The following EXOC6B variants were observed in gnomAD, a reference collection of about 807,000 sequenced individuals.
EXOC6B encodes the protein exocyst complex component 6B.
In EXOC6B, 54 loss-of-function variants were observed where a neutral mutation model predicts 113.5. The ratio of observed to expected loss-of-function variants is 0.48; its 90% CI spans 0.38 to 0.60. EXOC6B has a LOEUF of 0.60. Ranked by LOEUF, EXOC6B falls within the 20% of genes least tolerant of loss-of-function variation. The pLI is 0.00. For synonymous variants in EXOC6B, 357 were observed against 339.0 expected (o/e 1.05, Z -0.58); for missense variants, 797 against 977.5 (o/e 0.82, Z 2.46).
chr2:72,496,429 A>G (rs1700035866), intron 14 of EXOC6B, 25 bp downstream of exon 14: 2 of 1,432,874 alleles, frequency 1.4e-6, no homozygotes, highest in South Asian at 2.4e-5. Flanking sequence ...ACAACCAGAG[A>G]AATTTATTTT....
intron 11 of EXOC6B, 24 bp downstream of exon 11, chr2:72,513,108 A>C (rs1244035356): frequency 6.2e-7 from 1 of 1,611,322 alleles, no homozygotes. Context: ...CTAAATAACA[A>C]CTTCCCTTGG....
intron 20 of EXOC6B, among the ~76,000 whole-genome samples, chr2:72,296,648 C>A (rs1686153779): frequency 6.6e-6 from 1 of 152,046 alleles, no homozygotes; most frequent in Non-Finnish European, 1.5e-5. Context: ...AAGACATGAT[C>A]ATAACTAATT....
At chr2:72,195,412 T>C (rs1679106566) in intron 20 of EXOC6B, among the ~76,000 whole-genome samples, 1 of 152,206 alleles carries the variant, frequency 6.6e-6, no homozygotes, top group African/African-American at 2.4e-5. Context: ...GCTGACTCAG[T>C]TGTCCCTTGT....
chr2:72,616,082 GAA>G (rs1164790728), intron 6 of EXOC6B, among the ~76,000 whole-genome samples: 1 of 151,936 alleles, frequency 6.6e-6, no homozygotes, highest in Non-Finnish European at 1.5e-5. Flanking sequence ...AGTATTATTA[GAA>G]AAGAGTCAAA....
intron 18 of EXOC6B, among the ~76,000 whole-genome samples, chr2:72,397,934 AC>A (rs971594166): frequency 6.6e-6 from 1 of 152,198 alleles, no homozygotes; most frequent in Non-Finnish European, 1.5e-5. Context: ...GAAATAAGAT[AC>A]TAGCATGGGG....
intron 17 of EXOC6B, among the ~76,000 whole-genome samples, chr2:72,478,004 C>T (rs1024585319): frequency 6.6e-6 from 1 of 151,998 alleles, no homozygotes; most frequent in Non-Finnish European, 1.5e-5. Context: ...ATGCCTGAAA[C>T]TTTTCCTAAT....
rs567883502 is a variant in EXOC6B at position 72,512,881 on chromosome 2, G to A, written c.1167+251C>T. Among the ~76,000 whole-genome samples the A allele has an allele frequency of 1.4e-4, 21 of 152,078 alleles. No homozygotes were observed. In the South Asian group the frequency reaches 3.1e-3, roughly 23 times the overall value. Reference sequence around the variant, plus strand: ...ATATGTATGAAGTAAACAGAACAACGTCTGACACATAGAGAGAATAATCAA... The same window carrying A: ...ATATGTATGAAGTAAACAGAACAACATCTGACACATAGAGAGAATAATCAA... On this transcript the variant is annotated intron_variant, in intron 11 of 21. Transcript: ENST00000272427.
intron 20 of EXOC6B, among the ~76,000 whole-genome samples, chr2:72,285,570 G>T (rs190059730): frequency 6.6e-6 from 1 of 152,034 alleles, no homozygotes; most frequent in East Asian, 1.9e-4. Flanking sequence ...GATAACCTTG[G>T]AATTAGCAAT....
At chr2:72,371,863 C>A (rs1188818187) in intron 19 of EXOC6B, among the ~76,000 whole-genome samples, 2 of 151,982 alleles carry the variant, frequency 1.3e-5, no homozygotes, top group Non-Finnish European at 2.9e-5. Flanking sequence ...AAAGGGTCAT[C>A]CAACTCGAAA....
At chr2:72,431,794 C>G (rs1695549655) in intron 18 of EXOC6B, among the ~76,000 whole-genome samples, 1 of 152,068 alleles carries the variant, frequency 6.6e-6, no homozygotes, top group Non-Finnish European at 1.5e-5. Context: ...CTACCCCTCC[C>G]CTAGCCTCCC....
intron 1 of EXOC6B, among the ~76,000 whole-genome samples, chr2:72,742,403 A>C (rs1681381489): frequency 6.6e-6 from 1 of 152,152 alleles, no homozygotes; most frequent in Non-Finnish European, 1.5e-5. Flanking sequence ...GGCCTTGGAC[A>C]GTCCTCACAC....
chr2:72,499,810 A>C, intron 12 of EXOC6B, 91 bp downstream of exon 12: 1 of 836,188 alleles, frequency 1.2e-6, no homozygotes, highest in Non-Finnish European at 1.9e-6. Flanking sequence ...CTATGATTAC[A>C]GGCAAAAGCC....
At chr2:72,824,018 G>A (rs1686753069) in intron 1 of EXOC6B, among the ~76,000 whole-genome samples, 1 of 152,122 alleles carries the variant, frequency 6.6e-6, no homozygotes, top group Non-Finnish European at 1.5e-5. Flanking sequence ...TGATCATAAG[G>A]CAATGGGGGT....
chr2:72,589,586 G>A (rs539548912), intron 6 of EXOC6B, among the ~76,000 whole-genome samples: 13 of 151,940 alleles, frequency 8.6e-5, no homozygotes, highest in East Asian at 3.9e-4. Context: ...GGCAATGAAC[G>A]GGATATGCAG....
intron 8 of EXOC6B, among the ~76,000 whole-genome samples, chr2:72,536,249 ATTTC>A (rs1222959908): frequency 6.6e-6 from 1 of 152,118 alleles, no homozygotes; most frequent in African/African-American, 2.4e-5. Context: ...TTTTATATTT[ATTTC>A]TATTAAAATA....
At position 72,495,414 on chromosome 2, in the gene EXOC6B, C is replaced by A; in HGVS notation, c.1553+16G>T. 7.5e-7 allele frequency: 1 copy of A among 1,336,722 alleles called. No homozygotes were observed. Among genetic ancestry groups the A allele is most frequent in the Non-Finnish European group, 1.0e-6 (1 of 952,878 alleles). The allele number at this position is 1,336,722 out of a possible 1,614,324, so 82.8% of individuals were successfully genotyped here. The stretch of plus-strand genomic sequence containing the variant: ...AATCTTAGCATTGGTTACATTTCTA[C>A]TATTTTGTATTATACCTTAGATGAA... On this transcript the variant is annotated intron_variant, in intron 15 of 21. Transcript: ENST00000272427.
At chr2:72,316,263 C>T (rs1440430146) in intron 20 of EXOC6B, among the ~76,000 whole-genome samples, 2 of 152,178 alleles carry the variant, frequency 1.3e-5, no homozygotes, top group Non-Finnish European at 2.9e-5. Context: ...AAGTCATCTC[C>T]TGTTGAAGCA....
intron 6 of EXOC6B, among the ~76,000 whole-genome samples, chr2:72,589,053 A>T (rs1025930312): frequency 2.6e-5 from 4 of 152,010 alleles, no homozygotes; most frequent in African/African-American, 9.7e-5. Flanking sequence ...GCCAAGAAGA[A>T]AAAAACACCA....
chr2:72,533,179 T>G (rs777449434), intron 8 of EXOC6B, among the ~76,000 whole-genome samples: 6 of 152,108 alleles, frequency 3.9e-5, no homozygotes, highest in Non-Finnish European at 8.8e-5. Flanking sequence ...TGAGGGCTAT[T>G]TGGCAATTCA....
Sources: allele counts gnomAD v4.1 joint callset (sites outside exome capture counted in the v4.1 genomes callset), GRCh38; gene constraint gnomAD v4.1.1; transcripts MANE v1.5; gene names NCBI Gene and HGNC (gene_info 2026-07-23, HGNC 2026-07-21).